Variants in STMN2 observed in about 807,000 individuals in gnomAD.
STMN2 encodes stathmin 2, also known as stathmin-2.
In STMN2, 2 loss-of-function variants were observed where a neutral mutation model predicts 24.1. The ratio of observed to expected loss-of-function variants is 0.08; its 90% CI spans 0.03 to 0.26. STMN2 has a LOEUF of 0.26. Among genes scored for constraint, STMN2 ranks in the 10% least tolerant of loss-of-function variants. STMN2 has a pLI of 1.00. For missense variants in STMN2, 114 were observed against 213.6 expected, an observed-to-expected ratio of 0.53 and a Z score of 2.91; for synonymous variants, 83 against 77.5, an observed-to-expected ratio of 1.07 and a Z score of -0.37.
intron 4 of STMN2, among the ~76,000 whole-genome samples, chr8:79,660,847 CTT>C (rs1251778776): frequency 6.6e-6 from 1 of 151,952 alleles, no homozygotes; most frequent in African/African-American, 2.4e-5. Context: ...TTATATCACT[CTT>C]ATATCTTTGC....
At chr8:79,640,666 A>T (rs1810075881) in intron 2 of STMN2, among the ~76,000 whole-genome samples, 2 of 152,230 alleles carry the variant, frequency 1.3e-5, no homozygotes, top group African/African-American at 4.8e-5. Context: ...CATCTTGAAG[A>T]CAAGGACCCC....
chr8:79,657,999 A>G (rs1806414934), intron 4 of STMN2, among the ~76,000 whole-genome samples: 1 of 152,214 alleles, frequency 6.6e-6, no homozygotes, highest in South Asian at 2.1e-4. Flanking sequence ...CCATATCAAA[A>G]GATAATTATG....
rs1554545145 is a variant in STMN2 at position 79,641,636 on chromosome 8, A to ACACG, written c.288+89_288+90insGCAC. ...CTCGGGCACACATGCACGCACACAC[A>ACACG]CACACACACACACACACACACACAC... On this transcript the variant is annotated intron_variant, in intron 3 of 4. Coordinates refer to ENST00000220876, the MANE Select transcript of STMN2 (RefSeq NM_007029.4). The ACACG allele has an allele frequency of 1.7e-5, 7 of 410,962 alleles. No individual in the cohort carries two copies. The African/African-American group carries it at 2.2e-4, about 13-fold the overall frequency. 25.5% of individuals were successfully genotyped at this position (410,962 alleles called of 1,614,324 possible).
chr8:79,627,393 C>T (rs1809681842), intron 1 of STMN2, among the ~76,000 whole-genome samples: 1 of 152,110 alleles, frequency 6.6e-6, no homozygotes, highest in African/African-American at 2.4e-5. Flanking sequence ...TTTTCTGTGA[C>T]AGATAAAATG....
intron 1 of STMN2, among the ~76,000 whole-genome samples, chr8:79,613,159 C>A (rs564328468): frequency 6.6e-6 from 1 of 152,116 alleles, no homozygotes; most frequent in Non-Finnish European, 1.5e-5. Context: ...AGCCCAAGCC[C>A]CCCGCCCACC....
At chr8:79,621,099 G>T in intron 1 of STMN2, 3 of 909,448 alleles carry the variant, frequency 3.3e-6, no homozygotes, top group Non-Finnish European at 3.9e-6. Context: ...TGCTGCTGGT[G>T]CTGCATGGAA....
chr8:79,656,163 TTAAAGATA>T (rs1806356721), intron 4 of STMN2, among the ~76,000 whole-genome samples: 1 of 152,202 alleles, frequency 6.6e-6, no homozygotes, highest in Non-Finnish European at 1.5e-5. Flanking sequence ...ATGAAAACTT[TTAAAGATA>T]TAATTGCATG....
At chr8:79,658,279 C>T (rs895770807) in intron 4 of STMN2, among the ~76,000 whole-genome samples, 4 of 152,074 alleles carry the variant, frequency 2.6e-5, no homozygotes, top group African/African-American at 9.7e-5. Context: ...GCACTCCAAC[C>T]TGGGAAACAG....
chr8:79,643,953 T>C lies in STMN2; in HGVS notation c.288+2403T>C, dbSNP rs555114564. Among the ~76,000 whole-genome samples, 6 of 149,534 alleles carry C rather than the reference T, an allele frequency of 4.0e-5. No homozygotes were observed. In the South Asian group the frequency reaches 1.3e-3, roughly 31 times the overall value. On this transcript the variant is annotated intron_variant, in intron 3 of 4. Coordinates refer to ENST00000220876, the MANE Select transcript of STMN2 (RefSeq NM_007029.4). Reference sequence around the variant, plus strand: ...TGCCCTAGTGGTCGGGTTTTATTTTTAGTTTTTTATGGTTTTTTTTTGTTA... The same window carrying C: ...TGCCCTAGTGGTCGGGTTTTATTTTCAGTTTTTTATGGTTTTTTTTTGTTA...
chr8:79,644,980 C>T (rs1810188227), intron 3 of STMN2, among the ~76,000 whole-genome samples: 1 of 152,048 alleles, frequency 6.6e-6, no homozygotes, highest in South Asian at 2.1e-4. Flanking sequence ...CATGGCAAAA[C>T]CCCATCTCTA....
chr8:79,627,905 G>C (rs530384019), intron 1 of STMN2, among the ~76,000 whole-genome samples: 8 of 152,034 alleles, frequency 5.3e-5, no homozygotes, highest in African/African-American at 1.9e-4. Context: ...TGTCCTTCAG[G>C]CTTATCCATG....
intron 1 of STMN2, among the ~76,000 whole-genome samples, chr8:79,630,306 T>C (rs1412197224): frequency 6.6e-6 from 1 of 152,224 alleles, no homozygotes; most frequent in African/African-American, 2.4e-5. Flanking sequence ...GTCTCGCACT[T>C]TTTATTTCTG....
In STMN2 at chr8:79,663,706, A is replaced by C. The variant is rs1215203572; in HGVS notation, c.481-1109A>C. On this transcript the variant is annotated intron_variant, in intron 4 of 4. Transcript: ENST00000220876. ...AATATAAATAATACTACTAATAATTAGCATCTTAAAATTTCAATTCAATGA... is the reference window on the plus strand; with the variant it reads ...AATATAAATAATACTACTAATAATTCGCATCTTAAAATTTCAATTCAATGA... 2.9e-6 allele frequency: 4 copies of C among 1,400,978 alleles called. No homozygotes were observed. The African/African-American group carries it at 5.8e-5, about 20-fold the overall frequency. 86.8% of individuals were successfully genotyped at this position (1,400,978 alleles called of 1,614,324 possible). A position where few individuals can be genotyped will look rare whatever the true frequency, so the allele number is the denominator to read the frequency against.
At chr8:79,642,822 A>G (rs2130362351) in intron 3 of STMN2, among the ~76,000 whole-genome samples, 2 of 151,312 alleles carry the variant, frequency 1.3e-5, no homozygotes, top group Admixed American at 1.3e-4. Flanking sequence ...TAATATGCTG[A>G]TCTCAATTTT....
chr8:79,651,652 C>T (rs1810335835), intron 3 of STMN2, among the ~76,000 whole-genome samples: 1 of 152,190 alleles, frequency 6.6e-6, no homozygotes, highest in Non-Finnish European at 1.5e-5. Flanking sequence ...AGTTAAAACA[C>T]AACTGAACAA....
chr8:79,652,214 T>C (rs1204442522), intron 3 of STMN2, among the ~76,000 whole-genome samples: 1 of 152,246 alleles, frequency 6.6e-6, no homozygotes, highest in African/African-American at 2.4e-5. Context: ...TGGATTTCTG[T>C]TCATTACAAG....
chr8:79,653,869 G>A (rs1024994974), intron 3 of STMN2, among the ~76,000 whole-genome samples: 9 of 152,132 alleles, frequency 5.9e-5, no homozygotes, highest in African/African-American at 2.2e-4. Context: ...GTATTGGGTG[G>A]GACTTTTCTC....
At chr8:79,612,151 C>T (rs7015492) in intron 1 of STMN2, among the ~76,000 whole-genome samples, 1 of 151,488 alleles carries the variant, frequency 6.6e-6, no homozygotes, top group Non-Finnish European at 1.5e-5. Context: ...CCCAACCCTG[C>T]GGGGACAGCG....
intron 3 of STMN2, among the ~76,000 whole-genome samples, chr8:79,651,514 G>T (rs138117666): frequency 3.2e-4 from 49 of 152,260 alleles, no homozygotes; most frequent in African/African-American, 1.0e-3. Context: ...CAAGAAGTAT[G>T]GAAAAGTGGT....
Sources: gnomAD v4.1 joint callset for allele counts (sites outside exome capture counted in the v4.1 genomes callset) on GRCh38, gnomAD v4.1.1 for gene constraint, MANE v1.5 for transcripts, NCBI Gene and HGNC (gene_info 2026-07-23, HGNC 2026-07-21) for gene names.